Variants in RBFOX1 observed in about 807,000 individuals in gnomAD.
RBFOX1 encodes the protein RNA binding protein fox-1 homolog 1.
In RBFOX1, 8 loss-of-function variants were observed where a neutral mutation model predicts 57.7. The observed-to-expected ratio is 0.14, with a 90% CI of 0.08 to 0.25. RBFOX1 has a LOEUF of 0.25. Ranked by LOEUF, RBFOX1 falls within the 10% of genes least tolerant of loss-of-function variation. The probability of loss-of-function intolerance (pLI) is 1.00; values close to 1 mark genes in which losing one functional copy is unlikely to be tolerated. For synonymous variants in RBFOX1, 326 were observed against 222.4 expected, an observed-to-expected ratio of 1.47 and a Z score of -4.15; for missense variants, 611 against 548.5, an observed-to-expected ratio of 1.11 and a Z score of -1.14.
intron 1 of RBFOX1, among the ~76,000 whole-genome samples, chr16:5,276,236 A>C (rs544514195): frequency 1.5e-4 from 23 of 152,370 alleles, no homozygotes; most frequent in African/African-American, 5.3e-4. Flanking sequence ...TAAACAGCAG[A>C]GTAAACAGAT....
intron 4 of RBFOX1, among the ~76,000 whole-genome samples, chr16:7,384,295 G>T (rs777380611): frequency 7.9e-5 from 12 of 152,016 alleles, no homozygotes; most frequent in African/African-American, 1.2e-4. Flanking sequence ...GAAAAGCAGG[G>T]AAAAGGGGAC....
At chr16:6,771,910 G>T (rs886880617) in intron 3 of RBFOX1, among the ~76,000 whole-genome samples, 1 of 152,132 alleles carries the variant, frequency 6.6e-6, no homozygotes, top group African/African-American at 2.4e-5. Context: ...TTCTTTGAAG[G>T]GGCCGGAAGA....
At chr16:6,419,919 C>G (rs1304914705) in intron 2 of RBFOX1, among the ~76,000 whole-genome samples, 1 of 152,148 alleles carries the variant, frequency 6.6e-6, no homozygotes, top group Admixed American at 6.6e-5. Flanking sequence ...TTGTTTAATG[C>G]ACGGAGAGTC....
At chr16:5,492,883 A>C (rs2042880277) in intron 2 of RBFOX1, among the ~76,000 whole-genome samples, 1 of 152,182 alleles carries the variant, frequency 6.6e-6, no homozygotes. Context: ...ATGGGAGAGG[A>C]AATCTGACTA....
chr16:6,937,477 A>G (rs763392693), intron 3 of RBFOX1, among the ~76,000 whole-genome samples: 2 of 152,118 alleles, frequency 1.3e-5, no homozygotes, highest in Non-Finnish European at 2.9e-5. Flanking sequence ...AACGGTGAAG[A>G]TATTTATTCT....
chr16:6,365,719 A>G (rs571211577), intron 2 of RBFOX1, among the ~76,000 whole-genome samples: 1 of 152,306 alleles, frequency 6.6e-6, no homozygotes, highest in South Asian at 2.1e-4. Context: ...AGCCAGATTT[A>G]GGTCTGAGCA....
chr16:7,577,698 G>T (rs1232124704), intron 5 of RBFOX1, among the ~76,000 whole-genome samples: 1 of 152,200 alleles, frequency 6.6e-6, no homozygotes. Flanking sequence ...GAGGCCAGAG[G>T]TTCAAGACCA....
At chr16:6,563,372 C>T (rs2097210248) in intron 2 of RBFOX1, among the ~76,000 whole-genome samples, 1 of 152,168 alleles carries the variant, frequency 6.6e-6, no homozygotes. Flanking sequence ...CCATTTAAGT[C>T]CATCTTATTA....
At chr16:6,006,014 G>T (rs981346973) in intron 4 of RBFOX1, among the ~76,000 whole-genome samples, 1 of 152,228 alleles carries the variant, frequency 6.6e-6, no homozygotes, top group East Asian at 1.9e-4. Context: ...GGAGAGTCTT[G>T]TATGGTAAGC....
At chr16:6,693,528 A>G (rs111163846) in intron 3 of RBFOX1, among the ~76,000 whole-genome samples, 22,370 of 149,960 alleles carry the variant, frequency 0.15, 1,348 homozygotes, top group Middle Eastern at 0.2. Context: ...TAACATCACC[A>G]CCATCATTAG....
At chr16:7,438,699 T>A (rs559401185) in intron 4 of RBFOX1, among the ~76,000 whole-genome samples, 81 of 152,330 alleles carry the variant, frequency 5.3e-4, no homozygotes, top group Non-Finnish European at 1.0e-3. Context: ...AAAGTCGGCT[T>A]CAGAGAGGGT....
chr16:7,461,554 C>T (rs552231311), intron 4 of RBFOX1, among the ~76,000 whole-genome samples: 6 of 152,062 alleles, frequency 3.9e-5, no homozygotes, highest in Non-Finnish European at 7.4e-5. Context: ...TTTCAGATAC[C>T]CTCCAAGAAC....
rs150774945 is a variant in RBFOX1 at position 6,319,338 on chromosome 16, C to T, written c.-64+2281C>T. ...TTTTTCCAGAATGTTTCCTTTGCAT[C>T]GGTACCCTTTGGATTGCTGTTTGTT... On this transcript the variant is annotated intron_variant, in intron 2 of 15. Coordinates refer to ENST00000550418, the MANE Select transcript of RBFOX1 (RefSeq NM_018723.4). 1.6e-4 allele frequency among the ~76,000 whole-genome samples: 24 copies of T among 152,176 alleles called. No homozygotes were observed. The East Asian group carries it at 1.7e-3, about 11-fold the overall frequency.
intron 2 of RBFOX1, among the ~76,000 whole-genome samples, chr16:6,346,662 G>C (rs1184639865): frequency 1.3e-5 from 2 of 152,218 alleles, no homozygotes; most frequent in Admixed American, 6.5e-5. Flanking sequence ...AACTCTGTTA[G>C]ATTTAATTTG....
chr16:6,030,981 T>C (rs538313714), intron 1 of RBFOX1, among the ~76,000 whole-genome samples: 1 of 152,240 alleles, frequency 6.6e-6, no homozygotes, highest in East Asian at 1.9e-4. Flanking sequence ...ACTTATGCTG[T>C]AGTGAGAGAG....
chr16:6,678,835 G>A (rs1244257823), intron 3 of RBFOX1, among the ~76,000 whole-genome samples: 1 of 152,074 alleles, frequency 6.6e-6, no homozygotes, highest in East Asian at 1.9e-4. Flanking sequence ...CATCCAGGAG[G>A]CTGAGTGAGG....
At chr16:6,181,443 G>A (rs868850356) in intron 1 of RBFOX1, among the ~76,000 whole-genome samples, 1 of 152,116 alleles carries the variant, frequency 6.6e-6, no homozygotes, top group Admixed American at 6.6e-5. Flanking sequence ...TGAAATTTTG[G>A]GGGGGTCAGT....
intron 1 of RBFOX1, among the ~76,000 whole-genome samples, chr16:5,332,585 A>G (rs2151277193): frequency 6.6e-6 from 1 of 151,770 alleles, no homozygotes; most frequent in Admixed American, 6.5e-5. Flanking sequence ...TAAAAGTCAG[A>G]AAACCTTTTA....
At chr16:5,403,349 C>CAAAAAAAAAAAA in intron 1 of RBFOX1, among the ~76,000 whole-genome samples, 1 of 82,268 alleles carries the variant, frequency 1.2e-5, no homozygotes, top group African/African-American at 3.5e-5. Context: ...AACGCTGTCT[C>CAAAAAAAAAAAA]AAAAAAAAAA....
Sources: gnomAD v4.1 joint callset for allele counts (sites outside exome capture counted in the v4.1 genomes callset) on GRCh38, gnomAD v4.1.1 for gene constraint, MANE v1.5 for transcripts, NCBI Gene and HGNC (gene_info 2026-07-23, HGNC 2026-07-21) for gene names.